Variants in MAST4 observed in about 807,000 individuals in gnomAD.
The protein encoded by MAST4 is microtubule associated serine/threonine kinase family member 4.
A neutral mutation model predicts 162.7 loss-of-function variants in MAST4; 89 were observed. The ratio of observed to expected loss-of-function variants is 0.55; its 90% CI spans 0.46 to 0.65. The LOEUF is 0.65. MAST4 is among the 30% of genes least tolerant of loss of function. MAST4 has a pLI of 0.00. For missense variants in MAST4, 3,153 were observed against 3,374.0 expected (o/e 0.93, Z 1.62); for synonymous variants, 1,479 against 1,361.1 (o/e 1.09, Z -1.91).
rs112952514 is a variant in MAST4 at position 66,852,548 on chromosome 5, C to G, written c.643-47403C>G. Among the ~76,000 whole-genome samples the G allele has an allele frequency of 2.7e-3, 415 of 152,264 alleles. 2 individuals carry two copies. Among genetic ancestry groups the G allele is most frequent in the Middle Eastern group, 0.017 (5 of 294 alleles). On this transcript the variant is annotated intron_variant, in intron 3 of 28. Coordinates refer to ENST00000403625, the MANE Select transcript of MAST4 (RefSeq NM_001164664.2). ...CTGTGTGGATACAAATCTGTATCTC[C>G]TTGGCTTCACAATTTGTACCATGGT...
Position 66,685,894 on chromosome 5 carries a change from G to GT in MAST4, c.364-73815_364-73814insT, listed in dbSNP as rs536379007. ...TAGACTGGGAGGAGGGGTTTGGGGG[G>GT]ATGGTTTCAGGATGAAACTGTTCCA... On this transcript the variant is annotated intron_variant, in intron 1 of 28. Coordinates refer to ENST00000403625, the MANE Select transcript of MAST4 (RefSeq NM_001164664.2). Among the ~76,000 whole-genome samples, 5 of 152,192 alleles carry GT rather than the reference G, an allele frequency of 3.3e-5. No homozygotes were observed. In the South Asian group the frequency reaches 1.0e-3, roughly 32 times the overall value.
At chr5:66,755,175 G>A (rs1027525438) in intron 1 of MAST4, among the ~76,000 whole-genome samples, 14 of 152,198 alleles carry the variant, frequency 9.2e-5, no homozygotes, top group African/African-American at 3.4e-4. Flanking sequence ...GCATAGAAAT[G>A]GTGAAGTGAT....
At chr5:66,881,691 G>A (rs1013825926) in intron 3 of MAST4, among the ~76,000 whole-genome samples, 11 of 152,204 alleles carry the variant, frequency 7.2e-5, no homozygotes, top group African/African-American at 1.9e-4. Context: ...GAGAAAGGGT[G>A]TAGGAAATAT....
At chr5:67,014,740 G>A (rs1029468624) in intron 4 of MAST4, among the ~76,000 whole-genome samples, 3 of 152,136 alleles carry the variant, frequency 2.0e-5, no homozygotes, top group Admixed American at 6.5e-5. Context: ...GGATCTTACT[G>A]CTTTTAATGC....
intron 11 of MAST4, among the ~76,000 whole-genome samples, chr5:67,110,535 A>T (rs1021166418): frequency 7.2e-5 from 11 of 152,226 alleles, no homozygotes; most frequent in Non-Finnish European, 1.6e-4. Context: ...CTTTTTTGGA[A>T]TTGCCAAGAT....
At chr5:66,985,896 C>G (rs147089088) in intron 4 of MAST4, among the ~76,000 whole-genome samples, 143 of 152,338 alleles carry the variant, frequency 9.4e-4, no homozygotes, top group African/African-American at 3.2e-3. Flanking sequence ...CTCCTTGCAT[C>G]TCACCTACTT....
At chr5:67,142,986 G>T in intron 21 of MAST4, 1 of 157,962 alleles carries the variant, frequency 6.3e-6, no homozygotes, top group Non-Finnish European at 1.4e-5. Context: ...ATCACTCATT[G>T]CTTTCAACTC....
chr5:66,844,546 A>G (rs1758673669), intron 3 of MAST4, among the ~76,000 whole-genome samples: 1 of 152,010 alleles, frequency 6.6e-6, no homozygotes, highest in African/African-American at 2.4e-5. Flanking sequence ...CCCAACGGAT[A>G]TTTGTTGTGC....
chr5:66,714,509 G>A (rs550135465), intron 1 of MAST4, among the ~76,000 whole-genome samples: 2 of 152,272 alleles, frequency 1.3e-5, no homozygotes, highest in South Asian at 4.1e-4. Flanking sequence ...GAATCCTGCA[G>A]CACAGTGATT....
At chr5:66,695,942 G>A (rs1350087019) in intron 1 of MAST4, among the ~76,000 whole-genome samples, 1 of 152,056 alleles carries the variant, frequency 6.6e-6, no homozygotes, top group African/African-American at 2.4e-5. Context: ...GCAAAGACAT[G>A]GAATCAACCC....
chr5:67,122,952 T>C (rs1458468227), intron 14 of MAST4, among the ~76,000 whole-genome samples: 1 of 152,224 alleles, frequency 6.6e-6, no homozygotes, highest in African/African-American at 2.4e-5. Flanking sequence ...AACTCTTTTT[T>C]TCTTTTTCTC....
At chr5:67,144,050 T>G (rs1770741140) in intron 21 of MAST4, among the ~76,000 whole-genome samples, 1 of 152,096 alleles carries the variant, frequency 6.6e-6, no homozygotes, top group African/African-American at 2.4e-5. Context: ...GACCTTGGGC[T>G]TACCTGAGCT....
chr5:66,728,594 T>C (rs1403660239), intron 1 of MAST4, among the ~76,000 whole-genome samples: 1 of 152,214 alleles, frequency 6.6e-6, no homozygotes, highest in Admixed American at 6.5e-5. Flanking sequence ...GATGGAAATG[T>C]CATGACTAAG....
intron 1 of MAST4, among the ~76,000 whole-genome samples, chr5:66,704,567 C>T (rs957791575): frequency 2.2e-5 from 3 of 136,138 alleles, no homozygotes; most frequent in Admixed American, 8.1e-5. Flanking sequence ...GTGGCACGAT[C>T]TCGGCTCACT....
chr5:67,101,099 T>C (rs1764977352), intron 8 of MAST4, among the ~76,000 whole-genome samples: 1 of 152,226 alleles, frequency 6.6e-6, no homozygotes, highest in African/African-American at 2.4e-5. Flanking sequence ...CACCTAACAC[T>C]GGGTAGGGCC....
chr5:66,943,135 C>A (rs565348824), intron 4 of MAST4, among the ~76,000 whole-genome samples: 1 of 152,198 alleles, frequency 6.6e-6, no homozygotes, highest in South Asian at 2.1e-4. Flanking sequence ...TGCAAACATT[C>A]AAACCATAGC....
rs1489373048 is a variant in MAST4, at chr5:66,613,238, T to C, written c.363+16220T>C. Reference sequence around the variant, plus strand: ...GCCCAATTAATACCATCTAAGTCATTGTCTAAGGAACTTTTCGTTTCTGTT... The same window carrying C: ...GCCCAATTAATACCATCTAAGTCATCGTCTAAGGAACTTTTCGTTTCTGTT... On this transcript the variant is annotated intron_variant, in intron 1 of 28. Transcript: ENST00000403625. 2.0e-5 allele frequency among the ~76,000 whole-genome samples: 3 copies of C among 152,060 alleles called. No homozygotes were observed. The East Asian group carries it at 5.8e-4, about 29-fold the overall frequency.
chr5:67,121,041 C>A lies in MAST4; in HGVS notation c.1684C>A (p.Arg562=). The part of the protein sequence containing the change: ...VSSSNASLKL[R]RKPRESDFET... ...GAGCTCTAATGCCTCCCTGAAACTT[C>A]GAAGGAAACCTCGGGAAAGTGATTT... is the stretch of plus-strand genomic sequence containing the variant. The change falls in exon 14 of 29, where the codon CGA becomes AGA. Residue 562 remains arginine, a synonymous_variant. Coordinates refer to ENST00000403625, the MANE Select transcript of MAST4 (RefSeq NM_001164664.2). 6.2e-7 allele frequency: 1 copy of A among 1,611,016 alleles called. No individual in the cohort carries two copies. The highest frequency in any genetic ancestry group is 8.5e-7 in the Non-Finnish European group (1 of 1,178,602).
intron 2 of MAST4, among the ~76,000 whole-genome samples, chr5:66,778,337 A>G (rs953628286): frequency 1.3e-5 from 2 of 152,190 alleles, no homozygotes; most frequent in Non-Finnish European, 2.9e-5. Context: ...TGGTCTAGGT[A>G]AAACAGGGAG....
Sources: gnomAD v4.1 joint callset for allele counts (sites outside exome capture counted in the v4.1 genomes callset) on GRCh38, gnomAD v4.1.1 for gene constraint, MANE v1.5 for transcripts, NCBI Gene and HGNC (gene_info 2026-07-23, HGNC 2026-07-21) for gene names.